Variants in CCBE1 observed in about 807,000 individuals in gnomAD.
CCBE1 encodes the protein collagen and calcium-binding EGF domain-containing protein 1.
A neutral mutation model predicts 50.0 loss-of-function variants in CCBE1; 37 were observed. The observed-to-expected ratio is 0.74, with a 90% CI of 0.57 to 0.97. The LOEUF is 0.97. CCBE1 is among the 50% of genes least tolerant of loss of function. The pLI is 0.00. For missense variants in CCBE1, 538 were observed against 523.8 expected (o/e 1.03, Z -0.26); for synonymous variants, 234 against 203.7 (o/e 1.15, Z -1.27).
At chr18:59,623,758 A>G (rs1263438044) in intron 2 of CCBE1, among the ~76,000 whole-genome samples, 2 of 152,202 alleles carry the variant, frequency 1.3e-5, no homozygotes, top group African/African-American at 4.8e-5. Context: ...CCAGCAACAG[A>G]CAGGGGAAGA....
intron 2 of CCBE1, among the ~76,000 whole-genome samples, chr18:59,562,977 T>C (rs996302821): frequency 6.6e-6 from 1 of 152,234 alleles, no homozygotes; most frequent in African/African-American, 2.4e-5. Flanking sequence ...AAGTCACGGA[T>C]TGCTTAAGCC....
chr18:59,481,349 G>T (rs995550910), intron 2 of CCBE1, among the ~76,000 whole-genome samples: 3 of 152,140 alleles, frequency 2.0e-5, no homozygotes, highest in East Asian at 1.9e-4. Flanking sequence ...AGAGTCTAAG[G>T]TCTGGTACTT....
At chr18:59,633,403 A>G (rs2053875157) in intron 2 of CCBE1, among the ~76,000 whole-genome samples, 1 of 152,190 alleles carries the variant, frequency 6.6e-6, no homozygotes, top group African/African-American at 2.4e-5. Context: ...TCATTTTTCC[A>G]GGGGGACATT....
intron 2 of CCBE1, among the ~76,000 whole-genome samples, chr18:59,483,131 AT>A (rs1417921859): frequency 6.6e-6 from 1 of 152,242 alleles, no homozygotes; most frequent in African/African-American, 2.4e-5. Context: ...ATTAGACATT[AT>A]CTGTGTCTTA....
intron 2 of CCBE1, among the ~76,000 whole-genome samples, chr18:59,594,924 C>T (rs2053329409): frequency 6.6e-6 from 1 of 152,028 alleles, no homozygotes; most frequent in Admixed American, 6.6e-5. Flanking sequence ...TCAGCCTGAT[C>T]AACATGGTGA....
At chr18:59,633,686 C>A (rs187801292) in intron 2 of CCBE1, among the ~76,000 whole-genome samples, 1 of 151,534 alleles carries the variant, frequency 6.6e-6, no homozygotes, top group South Asian at 2.1e-4. Flanking sequence ...CAGAACGAAG[C>A]CAATCCATTC....
chr18:59,503,885 C>T (rs1913745007), intron 2 of CCBE1, among the ~76,000 whole-genome samples: 2 of 152,162 alleles, frequency 1.3e-5, no homozygotes, highest in Admixed American at 1.3e-4. Flanking sequence ...TTACTCTCCA[C>T]CTATGGGTAC....
intron 6 of CCBE1, among the ~76,000 whole-genome samples, chr18:59,454,117 G>A (rs1207758661): frequency 2.6e-5 from 4 of 152,122 alleles, no homozygotes; most frequent in Non-Finnish European, 4.4e-5. Flanking sequence ...ACCAGCTTAT[G>A]GCAGTTTATA....
intron 2 of CCBE1, among the ~76,000 whole-genome samples, chr18:59,582,217 T>C (rs1463016640): frequency 6.6e-6 from 1 of 152,186 alleles, no homozygotes; most frequent in Non-Finnish European, 1.5e-5. Flanking sequence ...TCCTATGAAG[T>C]CTTCACCGCC....
intron 2 of CCBE1, among the ~76,000 whole-genome samples, chr18:59,560,741 G>A (rs554521063): frequency 6.6e-6 from 1 of 152,304 alleles, no homozygotes; most frequent in East Asian, 1.9e-4. Context: ...TAAGAGTGTG[G>A]CAGGGCGGGT....
intron 2 of CCBE1, among the ~76,000 whole-genome samples, chr18:59,681,665 A>G (rs2054590049): frequency 6.6e-6 from 1 of 152,246 alleles, no homozygotes; most frequent in African/African-American, 2.4e-5. Flanking sequence ...CTTACCCAGC[A>G]TGAGCTTGCA....
At chr18:59,634,944 T>G (rs142545246) in intron 2 of CCBE1, among the ~76,000 whole-genome samples, 1,786 of 152,190 alleles carry the variant, frequency 0.012, 35 homozygotes, top group East Asian at 0.037. Flanking sequence ...TGAACATATG[T>G]CTAATTAGAA....
intron 2 of CCBE1, among the ~76,000 whole-genome samples, chr18:59,659,841 C>G (rs1001200021): frequency 2.0e-5 from 3 of 152,208 alleles, no homozygotes; most frequent in Non-Finnish European, 4.4e-5. Flanking sequence ...CCTGGACCCC[C>G]GTTTGCTCAT....
At chr18:59,662,569 T>C (rs1221824643) in intron 2 of CCBE1, among the ~76,000 whole-genome samples, 1 of 152,104 alleles carries the variant, frequency 6.6e-6, no homozygotes, top group Non-Finnish European at 1.5e-5. Context: ...CAAATAGTCA[T>C]CCAAATGTAT....
intron 2 of CCBE1, among the ~76,000 whole-genome samples, chr18:59,695,330 C>T (rs576261708): frequency 1.7e-3 from 255 of 152,334 alleles, no homozygotes; most frequent in Non-Finnish European, 3.0e-3. Flanking sequence ...TTCACCAGCT[C>T]GGTGACCTTG....
chr18:59,656,291 A>T (rs1230920181), intron 2 of CCBE1, among the ~76,000 whole-genome samples: 2 of 152,358 alleles, frequency 1.3e-5, no homozygotes, highest in East Asian at 3.9e-4. Flanking sequence ...TAATGAAACA[A>T]GAAAGTATAT....
intron 7 of CCBE1, among the ~76,000 whole-genome samples, chr18:59,442,874 T>A (rs562041444): frequency 3.2e-4 from 48 of 152,346 alleles, no homozygotes; most frequent in African/African-American, 1.1e-3. Context: ...GCTGCCCCTT[T>A]ACATGGGGTG....
intron 5 of CCBE1, among the ~76,000 whole-genome samples, chr18:59,461,042 C>T (rs1911448264): frequency 6.6e-6 from 1 of 151,740 alleles, no homozygotes; most frequent in Non-Finnish European, 1.5e-5. Context: ...TAAGTCATAC[C>T]AAATTATGAA....
chr18:59,459,800 A>G (rs1248264316), intron 5 of CCBE1, among the ~76,000 whole-genome samples: 1 of 152,184 alleles, frequency 6.6e-6, no homozygotes, highest in Non-Finnish European at 1.5e-5. Flanking sequence ...TAAAATATGA[A>G]TTCTGCTGCA....
Sources: allele counts gnomAD v4.1 joint callset (sites outside exome capture counted in the v4.1 genomes callset), GRCh38; gene constraint gnomAD v4.1.1; transcripts MANE v1.5; gene names NCBI Gene and HGNC (gene_info 2026-07-23, HGNC 2026-07-21).